The following CHID1 variants were observed in gnomAD, a reference collection of about 807,000 sequenced individuals.
CHID1 encodes the protein chitinase domain containing 1.
Under a neutral mutation model 55.4 loss-of-function variants are expected in CHID1, and 44 were observed. The observed-to-expected ratio is 0.79, with a 90% confidence interval of 0.62 to 1.02. The LOEUF is 1.02. Ranked by LOEUF, CHID1 falls within the 50% of genes least tolerant of loss-of-function variation. The pLI is 0.00. For missense variants in CHID1, 491 were observed against 515.3 expected, an observed-to-expected ratio of 0.95 and a Z score of 0.46; for synonymous variants, 216 against 212.9, an observed-to-expected ratio of 1.01 and a Z score of -0.13.
At chr11:910,924 G>T, upstream of CHID1, 2 of 786,920 alleles carry the variant, frequency 2.5e-6, no homozygotes, top group East Asian at 1.3e-4. Context: ...GACTGGGCAG[G>T]GCTGCCCGAA....
chr11:893,237 C>T (rs951280940), intron 8 of CHID1, among the ~76,000 whole-genome samples, 190 bp downstream of exon 8: 2 of 152,236 alleles, frequency 1.3e-5, no homozygotes, highest in African/African-American at 4.8e-5. Flanking sequence ...GACTCACGTG[C>T]TGACTTGGAG....
At position 874,052 on chromosome 11, in the gene CHID1, C is replaced by A. The variant is rs546066341; in HGVS notation, c.960-3553G>T. Among the ~76,000 whole-genome samples, 10 of 152,240 alleles carry A rather than the reference C, an allele frequency of 6.6e-5. No individual in the cohort carries two copies. In the South Asian group the frequency reaches 1.9e-3, roughly 28 times the overall value. On this transcript the variant is annotated intron_variant, in intron 10 of 12. Transcript: ENST00000323578. The stretch of plus-strand genomic sequence containing the variant: ...GTGTGTGTGTGTGGGGGGCGTCACC[C>A]CACGGAGACCAGCTTGGAAACTTTT...
Position 875,631 on chromosome 11 carries a change from C to T in CHID1, c.960-5132G>A, listed in dbSNP as rs139447092. 5.3e-5 allele frequency among the ~76,000 whole-genome samples: 8 copies of T among 152,192 alleles called. No individual in the cohort carries two copies. Among genetic ancestry groups the T allele is most frequent in the Non-Finnish European group, 1.2e-4 (8 of 68,000 alleles). On this transcript the variant is annotated intron_variant, in intron 10 of 12. Transcript: ENST00000323578. The surrounding 1 kb of genome is among the most constrained non-coding windows in gnomAD (Gnocchi z 4.7). ...TGAAACTCTTAGCGCCACATGAGGCCGAGGGAGTCAAGTCCTGGGGTGGCC... is the reference window on the plus strand; with the variant it reads ...TGAAACTCTTAGCGCCACATGAGGCTGAGGGAGTCAAGTCCTGGGGTGGCC...
intron 10 of CHID1, among the ~76,000 whole-genome samples, chr11:878,675 C>A (rs1030373413): frequency 6.6e-6 from 1 of 151,988 alleles, no homozygotes; most frequent in Admixed American, 6.6e-5. Context: ...CAGAGTAGCA[C>A]TATATTTGAA....
At chr11:892,760 A>G (rs7121173) in intron 8 of CHID1, among the ~76,000 whole-genome samples, 63,741 of 152,138 alleles carry the variant, frequency 0.42, 14,744 homozygotes, top group Admixed American at 0.52. Flanking sequence ...AAGCTTGGAG[A>G]GAAAAGTCGG....
chr11:891,501 GCAGA>G (rs1430816368), intron 8 of CHID1, among the ~76,000 whole-genome samples: 3 of 152,294 alleles, frequency 2.0e-5, no homozygotes, highest in South Asian at 4.1e-4. Context: ...GCTGCCACCA[GCAGA>G]AGACAGGCAC....
Position 900,298 on chromosome 11 carries a change from G to A in CHID1, c.440-188C>T, listed in dbSNP as rs114885731. Among the ~76,000 whole-genome samples, 374 of 152,312 alleles carry A rather than the reference G, an allele frequency of 2.5e-3. 1 individual carries two copies. Among genetic ancestry groups the A allele is most frequent in the African/African-American group, 8.6e-3 (357 of 41,576 alleles). On this transcript the variant is annotated intron_variant, in intron 5 of 12. Coordinates refer to ENST00000323578, the MANE Select transcript of CHID1 (RefSeq NM_023947.4). ...ATGTCCCAGAGCCTCACAGGCTGGA[G>A]AGGGAGGGGTGGTGGGGAAGGAGCG...
At chr11:901,389 A>G (rs895104964) in intron 4 of CHID1, among the ~76,000 whole-genome samples, 32 of 152,110 alleles carry the variant, frequency 2.1e-4, no homozygotes, top group African/African-American at 7.0e-4. Context: ...CGGTTCTCTC[A>G]GTGTCAGGGA....
intron 1 of CHID1, among the ~76,000 whole-genome samples, chr11:907,729 C>T (rs928392148): frequency 1.7e-4 from 26 of 152,188 alleles, no homozygotes; most frequent in African/African-American, 6.0e-4. Flanking sequence ...GCCCAACTCA[C>T]TACCCAGCAG....
chr11:889,284 C>T (rs1056748671), intron 8 of CHID1, among the ~76,000 whole-genome samples: 2 of 152,212 alleles, frequency 1.3e-5, no homozygotes, highest in Non-Finnish European at 2.9e-5. Context: ...TCCCTGAAAC[C>T]CCCACCCACC....
chr11:912,474 G>C (rs975049834), upstream of CHID1, among the ~76,000 whole-genome samples: 1 of 152,308 alleles, frequency 6.6e-6, no homozygotes, highest in Admixed American at 6.5e-5. Flanking sequence ...GGGGAGTCTT[G>C]TCAGTTGCCA....
intron 9 of CHID1, 143 bp from the exon 10 acceptor site, chr11:883,446 T>A: frequency 2.3e-6 from 2 of 872,894 alleles, no homozygotes; most frequent in South Asian, 1.7e-5. Flanking sequence ...AAGTCACCCA[T>A]CAGAAAGGGC....
At chr11:909,815 A>C (rs929024825) in intron 1 of CHID1, among the ~76,000 whole-genome samples, 7 of 152,168 alleles carry the variant, frequency 4.6e-5, no homozygotes, top group Non-Finnish European at 8.8e-5. Flanking sequence ...TGGTCTCTAC[A>C]AAAAATATTT....
At chr11:892,689 T>C (rs2134243098) in intron 8 of CHID1, among the ~76,000 whole-genome samples, 1 of 152,328 alleles carries the variant, frequency 6.6e-6, no homozygotes, top group East Asian at 1.9e-4. Flanking sequence ...CATGCTGCTG[T>C]GTCTGTCCCA....
intron 10 of CHID1, among the ~76,000 whole-genome samples, chr11:871,257 C>T (rs373392363): frequency 6.6e-6 from 1 of 152,232 alleles, no homozygotes; most frequent in African/African-American, 2.4e-5. Flanking sequence ...TCCCAAAGTG[C>T]TGGAATTACA....
chr11:874,501 C>T (rs58612261), intron 10 of CHID1, among the ~76,000 whole-genome samples: 5,455 of 152,262 alleles, frequency 0.036, 227 homozygotes, highest in East Asian at 0.24. Flanking sequence ...GTCACGAAGA[C>T]TGGAATGCAA....
In CHID1 at chr11:902,269, G is replaced by A. The variant is rs267603234; in HGVS notation, c.323C>T (p.Pro108Leu). 2.5e-5 allele frequency: 41 copies of A among 1,613,866 alleles called. No homozygotes were observed. Among genetic ancestry groups the A allele is most frequent in the Non-Finnish European group, 3.3e-5 (39 of 1,179,994 alleles). Reference protein sequence around the residue: ...VFGSKFTQISPVWLQLKRRGR... With the variant: ...VFGSKFTQISLVWLQLKRRGR... ...ACGTCTCTTCAGCTGCAGCCAGACG[G>A]GTGAGATCTGTGTGAACTTGCTCCC... Residue 108 changes from proline (P) to leucine (L), a missense_variant, in exon 4 of 13, where the codon CCC becomes CTC. Coordinates refer to ENST00000323578, the MANE Select transcript of CHID1 (RefSeq NM_023947.4).
chr11:899,792 C>G (rs1326519932), intron 6 of CHID1, among the ~76,000 whole-genome samples: 1 of 152,262 alleles, frequency 6.6e-6, no homozygotes, highest in Non-Finnish European at 1.5e-5. Flanking sequence ...GTCTCCCATG[C>G]CTGGGACCTC....
chr11:870,368 C>T lies in CHID1; in HGVS notation c.1040+51G>A, dbSNP rs758840223. ...TGCTCCCTCATCTCCACCCCCAGGG[C>T]CCCTCCCTGCACACAAGGCCAAGGT... On this transcript the variant is annotated intron_variant, in intron 11 of 12. Transcript: ENST00000323578. The T allele has an allele frequency of 1.2e-5, 18 of 1,485,616 alleles. No individual in the cohort carries two copies. The African/African-American group carries it at 1.4e-4, about 11-fold the overall frequency. The allele number at this position is 1,485,616 out of a possible 1,614,324, so 92.0% of individuals were successfully genotyped here. A position where few individuals can be genotyped will look rare whatever the true frequency, so the allele number is the denominator to read the frequency against.
Sources: gnomAD v4.1 joint callset for allele counts (sites outside exome capture counted in the v4.1 genomes callset) on GRCh38, gnomAD v4.1.1 for gene constraint, Gnocchi (gnomAD v3.1) non-coding constraint, MANE v1.5 for transcripts, NCBI Gene and HGNC (gene_info 2026-07-23, HGNC 2026-07-21) for gene names.